CDH10: variants seen among roughly 807,000 people sequenced by gnomAD.
CDH10 encodes cadherin 10, also known as cadherin-10.
In CDH10, 30 loss-of-function variants were observed where a neutral mutation model predicts 73.1. The observed-to-expected ratio is 0.41, with a 90% confidence interval of 0.31 to 0.56. The LOEUF is 0.56. Ranked by LOEUF, CDH10 falls within the 20% of genes least tolerant of loss-of-function variation. The probability of loss-of-function intolerance (pLI) is 0.27; values close to 1 mark genes in which losing one functional copy is unlikely to be tolerated. For synonymous variants in CDH10, 345 were observed against 348.2 expected (o/e 0.99, Z 0.10); for missense variants, 815 against 973.7 (o/e 0.84, Z 2.17).
chr5:24,559,441 A>G (rs533440668), intron 2 of CDH10, among the ~76,000 whole-genome samples: 34 of 152,170 alleles, frequency 2.2e-4, no homozygotes, highest in Non-Finnish European at 4.1e-4. Flanking sequence ...ATATTCATAA[A>G]TTTATCTTAG....
intron 3 of CDH10, 54 bp downstream of exon 3, chr5:24,537,326 T>C (rs2111891207): frequency 8.3e-7 from 1 of 1,210,854 alleles, no homozygotes; most frequent in Non-Finnish European, 1.2e-6. Flanking sequence ...TAAGAATTTC[T>C]TGATTTTTAA....
intron 2 of CDH10, among the ~76,000 whole-genome samples, chr5:24,550,459 C>T (rs1375139741): frequency 1.3e-5 from 2 of 152,016 alleles, no homozygotes; most frequent in East Asian, 3.9e-4. Flanking sequence ...CAAGGAAATA[C>T]TAGGATTCCA....
intron 2 of CDH10, among the ~76,000 whole-genome samples, chr5:24,572,935 G>GAAAAAAAAAAAAAAA (rs55946839): frequency 2.8e-5 from 2 of 72,112 alleles, no homozygotes; most frequent in African/African-American, 1.1e-4. Flanking sequence ...CTTAGAAAAA[G>GAAAAAAAAAAAAAAA]AAAAAAAAAA....
At chr5:24,552,487 G>A (rs114827886) in intron 2 of CDH10, among the ~76,000 whole-genome samples, 8,136 of 151,890 alleles carry the variant, frequency 0.054, 422 homozygotes, top group African/African-American at 0.14. Context: ...ACTACAATAT[G>A]TTGTTAGTAA....
intron 1 of CDH10, among the ~76,000 whole-genome samples, chr5:24,629,225 C>T (rs937423544): frequency 6.6e-6 from 1 of 152,148 alleles, no homozygotes; most frequent in East Asian, 1.9e-4. Context: ...ATTTAGAAAA[C>T]TTTCTCTTTT....
At chr5:24,538,253 GATAGATATCTAC>G (rs1307880277) in intron 2 of CDH10, among the ~76,000 whole-genome samples, 1 of 152,076 alleles carries the variant, frequency 6.6e-6, no homozygotes, top group Non-Finnish European at 1.5e-5. Context: ...ACTCAGAGCA[GATAGATATCTAC>G]ATAACACATG....
Position 24,504,506 on chromosome 5 carries a change from CTTTTTTTT to C in CDH10, c.1393+598_1393+605del, listed in dbSNP as rs70965605. Among the ~76,000 whole-genome samples, 234 of 65,158 alleles carry C rather than the reference CTTTTTTTT, an allele frequency of 3.6e-3. 53 individuals carry two copies. The highest frequency in any genetic ancestry group is 0.01 in the African/African-American group (162 of 16,038). The allele number at this position is 65,158 out of a possible 152,430, so 42.7% of individuals were successfully genotyped here. A position where few individuals can be genotyped will look rare whatever the true frequency, so the allele number is the denominator to read the frequency against. On this transcript the variant is annotated intron_variant, in intron 8 of 11. Transcript: ENST00000264463. ...TATTAAATGCTTTTCTCCTATTAATCTTTTTTTTTTTTTTTTTTTTTTTTTTTTTTTTT... is the reference window on the plus strand; with the variant it reads ...TATTAAATGCTTTTCTCCTATTAATCTTTTTTTTTTTTTTTTTTTTTTTTT...
chr5:24,501,294 T>C (rs1052368109), intron 8 of CDH10, among the ~76,000 whole-genome samples: 3 of 152,168 alleles, frequency 2.0e-5, no homozygotes, highest in Admixed American at 6.5e-5. Context: ...CCAGGGTCTT[T>C]ACAAATAATT....
intron 5 of CDH10, among the ~76,000 whole-genome samples, chr5:24,521,498 T>C (rs181558323): frequency 9.2e-5 from 14 of 151,994 alleles, no homozygotes; most frequent in Admixed American, 5.2e-4. Context: ...TCCCAGCTAC[T>C]CGGAAGGCTG....
chr5:24,572,703 G>A (rs1171347367), intron 2 of CDH10, among the ~76,000 whole-genome samples: 1 of 151,908 alleles, frequency 6.6e-6, no homozygotes, highest in Non-Finnish European at 1.5e-5. Flanking sequence ...ACTAAAAGAG[G>A]AGAAAATTTA....
intron 8 of CDH10, among the ~76,000 whole-genome samples, chr5:24,503,272 G>A (rs1219150897): frequency 6.6e-6 from 1 of 152,048 alleles, no homozygotes; most frequent in East Asian, 1.9e-4. Context: ...AAAATTTATG[G>A]GCTTAATTTT....
chr5:24,524,084 T>C (rs1743438789), intron 5 of CDH10, among the ~76,000 whole-genome samples: 1 of 152,136 alleles, frequency 6.6e-6, no homozygotes, highest in Admixed American at 6.6e-5. Flanking sequence ...ACATCAGTAA[T>C]TAATTCATTC....
chr5:24,621,751 T>C (rs2112170006), intron 1 of CDH10, among the ~76,000 whole-genome samples: 1 of 152,356 alleles, frequency 6.6e-6, no homozygotes, highest in African/African-American at 2.4e-5. Context: ...TGTGTGTGCA[T>C]GCACACATAT....
intron 7 of CDH10, among the ~76,000 whole-genome samples, chr5:24,508,014 A>G (rs1431060587): frequency 6.6e-6 from 1 of 152,236 alleles, no homozygotes; most frequent in Admixed American, 6.5e-5. Context: ...TAACTGGTTG[A>G]AGTCATATGG....
At chr5:24,643,718 T>G in intron 1 of CDH10, among the ~76,000 whole-genome samples, 1 of 152,194 alleles carries the variant, frequency 6.6e-6, no homozygotes, top group African/African-American at 2.4e-5. Flanking sequence ...TTTGTACCTG[T>G]AGACTCCCCT....
At chr5:24,622,350 T>A (rs1747346106) in intron 1 of CDH10, among the ~76,000 whole-genome samples, 1 of 152,110 alleles carries the variant, frequency 6.6e-6, no homozygotes, top group South Asian at 2.1e-4. Context: ...GCTGTGAGAA[T>A]TGGCAAGGAG....
At chr5:24,538,247 A>C (rs2111900388) in intron 2 of CDH10, among the ~76,000 whole-genome samples, 1 of 152,268 alleles carries the variant, frequency 6.6e-6, no homozygotes, top group East Asian at 1.9e-4. Context: ...TGTAGTACTC[A>C]GAGCAGATAG....
chr5:24,525,334 C>T (rs949404757), intron 5 of CDH10, among the ~76,000 whole-genome samples: 1 of 151,986 alleles, frequency 6.6e-6, no homozygotes, highest in Non-Finnish European at 1.5e-5. Context: ...ATGAAAAAGG[C>T]ATCATATATA....
chr5:24,595,817 T>C (rs1370080209), intron 1 of CDH10, among the ~76,000 whole-genome samples: 1 of 151,948 alleles, frequency 6.6e-6, no homozygotes, highest in Non-Finnish European at 1.5e-5. Flanking sequence ...AATACAGTTA[T>C]AACCTTCCCT....
Sources: gnomAD v4.1 joint callset for allele counts (sites outside exome capture counted in the v4.1 genomes callset) on GRCh38, gnomAD v4.1.1 for gene constraint, MANE v1.5 for transcripts, NCBI Gene and HGNC (gene_info 2026-07-23, HGNC 2026-07-21) for gene names.